The following PPARD variants were observed in gnomAD, a reference collection of about 807,000 sequenced individuals.
PPARD encodes the protein peroxisome proliferator-activated receptor delta.
A neutral mutation model predicts 39.5 loss-of-function variants in PPARD; 6 were observed. The observed-to-expected ratio is 0.15, with a 90% CI of 0.08 to 0.30. PPARD has a LOEUF of 0.30. PPARD is among the 10% of genes least tolerant of loss of function. The pLI is 1.00. For synonymous variants in PPARD, 210 were observed against 231.3 expected, an observed-to-expected ratio of 0.91 and a Z score of 0.83; for missense variants, 397 against 596.8, an observed-to-expected ratio of 0.67 and a Z score of 3.49.
intron 1 of PPARD, 71 bp from the exon 2 acceptor site, chr6:35,346,996 C>T: frequency 1.1e-6 from 1 of 937,344 alleles, no homozygotes; most frequent in Non-Finnish European, 1.6e-6. Flanking sequence ...GTGGGTATAA[C>T]TTATTAGAGT....
At chr6:35,395,424 G>T (rs978129301) in intron 2 of PPARD, among the ~76,000 whole-genome samples, 2 of 152,208 alleles carry the variant, frequency 1.3e-5, no homozygotes, top group African/African-American at 2.4e-5. Flanking sequence ...TGGTCTGCCT[G>T]GGAGTCATAG....
intron 2 of PPARD, among the ~76,000 whole-genome samples, chr6:35,351,316 C>T (rs568892909): frequency 2.6e-5 from 4 of 152,270 alleles, no homozygotes; most frequent in South Asian, 2.1e-4. Flanking sequence ...TGAGCCACTG[C>T]GCCAGTCCCT....
chr6:35,397,484 C>T, intron 2 of PPARD: 1 of 962,364 alleles, frequency 1.0e-6, no homozygotes, highest in Non-Finnish European at 1.2e-6. Context: ...TCTTGATAAG[C>T]TCCTCCTTTG....
rs1421857612 is a variant in PPARD at position 35,355,595 on chromosome 6, CTTCTTTTTTTTTTTTTTT to C, written c.-102+8448_-102+8465del. On this transcript the variant is annotated intron_variant, in intron 2 of 7. Transcript: ENST00000360694. ...AAAAAAAAAGTGCTTTCTTCTTCTTCTTCTTTTTTTTTTTTTTTTTTTTTTTTTTTTTTTGAGACGGAG... is the reference window on the plus strand; with the variant it reads ...AAAAAAAAAGTGCTTTCTTCTTCTTCTTTTTTTTTTTTTTTTGAGACGGAG... Among the ~76,000 whole-genome samples, 343 of 50,440 alleles carry C rather than the reference CTTCTTTTTTTTTTTTTTT, an allele frequency of 6.8e-3. 6 individuals carry two copies. Among genetic ancestry groups the C allele is most frequent in the African/African-American group, 0.022 (301 of 13,936 alleles). The allele number at this position is 50,440 out of a possible 152,430, so 33.1% of individuals were successfully genotyped here.
chr6:35,380,469 TTTGTTTG>T (rs1763080593), intron 2 of PPARD, among the ~76,000 whole-genome samples: 1 of 102,692 alleles, frequency 9.7e-6, no homozygotes, highest in African/African-American at 8.8e-5. Flanking sequence ...GTTTTTTTTT[TTTGTTTG>T]TTTTTTTTTT....
intron 2 of PPARD, among the ~76,000 whole-genome samples, chr6:35,386,962 G>A (rs1763698709): frequency 6.7e-6 from 1 of 149,972 alleles, no homozygotes; most frequent in Non-Finnish European, 1.5e-5. Context: ...TTATATATTT[G>A]TCAGGAGGTG....
At chr6:35,348,562 T>C (rs1761028396) in intron 2 of PPARD, 2 of 985,294 alleles carry the variant, frequency 2.0e-6, no homozygotes, top group South Asian at 9.4e-5. Flanking sequence ...CCTGCCTGAT[T>C]TGTTTTAATC....
chr6:35,347,665 A>G (rs1425030448), intron 2 of PPARD, among the ~76,000 whole-genome samples: 2 of 151,848 alleles, frequency 1.3e-5, no homozygotes, highest in African/African-American at 4.8e-5. Context: ...CTGGAGTGCA[A>G]TGGCGTGATC....
At chr6:35,365,510 T>A (rs539877395) in intron 2 of PPARD, among the ~76,000 whole-genome samples, 3 of 128,268 alleles carry the variant, frequency 2.3e-5, no homozygotes, top group South Asian at 2.5e-4. Flanking sequence ...TTTTTTTTTT[T>A]AGACAGATTT....
At position 35,425,726 on chromosome 6, in the gene PPARD, C is replaced by T. The variant is rs543701437; in HGVS notation, c.1079-106C>T. ...TGATGGGACAGGGCTTGGTCTGTCA[C>T]GGCCAAGGAGGCCTGCCGTCCCCTG... On this transcript the variant is annotated intron_variant, in intron 7 of 7. Transcript: ENST00000360694. The surrounding 1 kb of genome is among the most constrained non-coding windows in gnomAD (Gnocchi z 4.5). 5.8e-5 allele frequency: 87 copies of T among 1,493,198 alleles called. No homozygotes were observed. Among genetic ancestry groups the T allele is most frequent in the Admixed American group, 1.1e-4 (6 of 55,650 alleles). 92.5% of individuals were successfully genotyped at this position (1,493,198 alleles called of 1,614,324 possible).
chr6:35,408,217 T>C (rs1187082997), intron 2 of PPARD, among the ~76,000 whole-genome samples: 1 of 152,228 alleles, frequency 6.6e-6, no homozygotes, highest in Non-Finnish European at 1.5e-5. Flanking sequence ...TGTCTCTCTA[T>C]TAGGAAATAA....
chr6:35,424,833 G>A lies in PPARD; in HGVS notation c.1078+54G>A. 1 of 1,584,578 alleles carries A rather than the reference G, an allele frequency of 6.3e-7. No homozygotes were observed. Among genetic ancestry groups the A allele is most frequent in the Non-Finnish European group, 8.6e-7 (1 of 1,165,994 alleles). On this transcript the variant is annotated intron_variant, in intron 7 of 7. Transcript: ENST00000360694. This position sits in a 1 kb window ranked among gnomAD's most constrained non-coding sequence, Gnocchi z 7.1. ...CCTGGCACACCCAGTCGTCCTGGGG[G>A]TTGGCCCTCACTGCAGGGCACTGTG...
At chr6:35,389,500 CAG>C (rs1763887440) in intron 2 of PPARD, among the ~76,000 whole-genome samples, 2 of 151,920 alleles carry the variant, frequency 1.3e-5, no homozygotes, top group African/African-American at 4.8e-5. Flanking sequence ...TTAGTAGAGA[CAG>C]GGGTTTCACC....
chr6:35,424,425 A>G lies in PPARD; in HGVS notation c.724A>G (p.Ser242Gly), dbSNP rs1766431496. The G allele has an allele frequency of 3.7e-6, 6 of 1,614,176 alleles. No homozygotes were observed. Among genetic ancestry groups the G allele is most frequent in the Non-Finnish European group, 5.1e-6 (6 of 1,180,020 alleles). The change falls in exon 7 of 8, where the codon AGC becomes GGC. Residue 242 changes from serine (S) to glycine (G), a missense_variant. Transcript: ENST00000360694. This position sits in a 1 kb window ranked among gnomAD's most constrained non-coding sequence, Gnocchi z 7.1. ...VNGLPPYKEI[S>G]VHVFYRCQCT... ...TGGCCTGCCTCCCTACAAGGAGATC[A>G]GCGTGCACGTCTTCTACCGCTGCCA...
chr6:35,426,400 C>T lies in PPARD; in HGVS notation c.*321C>T, dbSNP rs201362501. On this transcript the variant is annotated 3_prime_UTR_variant, in exon 8 of 8. Coordinates refer to ENST00000360694, the MANE Select transcript of PPARD (RefSeq NM_006238.5). ...TGCCCTCCCTTTCTCTCTCCACCCC[C>T]CACGTCTGTCCTCCTTTCTTATTCT... 25 of 413,604 alleles carry T rather than the reference C, an allele frequency of 6.0e-5. No individual in the cohort carries two copies. Among genetic ancestry groups the T allele is most frequent in the South Asian group, 1.7e-4 (6 of 36,202 alleles). 25.6% of individuals were successfully genotyped at this position (413,604 alleles called of 1,614,324 possible).
intron 2 of PPARD, among the ~76,000 whole-genome samples, chr6:35,368,136 C>T (rs138594756): frequency 1.3e-5 from 2 of 152,310 alleles, no homozygotes; most frequent in Non-Finnish European, 2.9e-5. Flanking sequence ...TGGTCTCCCA[C>T]AGTGGAAGTT....
chr6:35,372,230 T>C, intron 2 of PPARD, among the ~76,000 whole-genome samples: 1 of 152,146 alleles, frequency 6.6e-6, no homozygotes, highest in South Asian at 2.1e-4. Context: ...TAGGCTGGAG[T>C]GGAGTGGCAT....
At chr6:35,374,659 A>G (rs544380036) in intron 2 of PPARD, among the ~76,000 whole-genome samples, 49 of 144,652 alleles carry the variant, frequency 3.4e-4, no homozygotes, top group Admixed American at 2.0e-3. Flanking sequence ...CTCTGTCTCA[A>G]AAAAAAAAAA....
At position 35,424,493 on chromosome 6, in the gene PPARD, C is replaced by T. The variant is rs1366442833; in HGVS notation, c.792C>T (p.Ala264=). ...VETVRELTEF[A]KSIPSFSSLF... is the part of the protein sequence containing the mutation. ...CCGTGCGGGAGCTCACTGAGTTCGC[C>T]AAGAGCATCCCCAGCTTCAGCAGCC... is the stretch of plus-strand genomic sequence containing the variant. The change falls in exon 7 of 8, where the codon GCC becomes GCT. Residue 264 remains alanine (A), a synonymous_variant. Coordinates refer to ENST00000360694, the MANE Select transcript of PPARD (RefSeq NM_006238.5). The surrounding 1 kb of genome is among the most constrained non-coding windows in gnomAD (Gnocchi z 7.1). 1.2e-6 allele frequency: 2 copies of T among 1,614,234 alleles called. No individual in the cohort carries two copies. The highest frequency in any genetic ancestry group is 1.7e-5 in the Admixed American group (1 of 60,022).
Sources: gnomAD v4.1 joint callset for allele counts (sites outside exome capture counted in the v4.1 genomes callset) on GRCh38, gnomAD v4.1.1 for gene constraint, Gnocchi (gnomAD v3.1) non-coding constraint, MANE v1.5 for transcripts, NCBI Gene and HGNC (gene_info 2026-07-23, HGNC 2026-07-21) for gene names.